CACUL1: variants seen among roughly 807,000 people sequenced by gnomAD.
The protein encoded by CACUL1 is CDK2 associated cullin domain 1, also known as CDK2-associated and cullin domain-containing protein 1.
A neutral mutation model predicts 45.2 loss-of-function variants in CACUL1; 13 were observed. That is an observed-to-expected ratio of 0.29 (90% CI 0.19 to 0.46). The LOEUF (loss-of-function observed/expected upper bound fraction) is 0.46, where lower values mean the gene tolerates loss of function less well. Among genes scored for constraint, CACUL1 ranks in the 20% least tolerant of loss-of-function variants. The pLI, the probability that CACUL1 is intolerant of heterozygous loss-of-function variation, is 1.00. For synonymous variants in CACUL1, 197 were observed against 174.2 expected (o/e 1.13, Z -1.03); for missense variants, 421 against 471.4 (o/e 0.89, Z 0.99).
In CACUL1 at chr10:118,682,432, T is replaced by C. The variant is rs1396837760; in HGVS notation, c.*3696A>G. The C allele has an allele frequency of 6.6e-6, 1 of 152,398 alleles. No individual in the cohort carries two copies. Among genetic ancestry groups the C allele is most frequent in the Non-Finnish European group, 1.5e-5 (1 of 67,998 alleles). The allele number at this position is 152,398 out of a possible 1,614,324, so 9.4% of individuals were successfully genotyped here. On this transcript the variant is annotated 3_prime_UTR_variant, in exon 9 of 9. Coordinates refer to ENST00000369151, the MANE Select transcript of CACUL1 (RefSeq NM_153810.5). ...TAGAAGAAAATAAAGCCAGCCTCAA[T>C]AATAAAAAGGCAAAATCTGGAGGGG...
At position 118,678,408 on chromosome 10, in the gene CACUL1, G is replaced by A. The variant is rs1207581388; in HGVS notation, c.*7720C>T. On this transcript the variant is annotated 3_prime_UTR_variant, in exon 9 of 9. Transcript: ENST00000369151. ...CTTTGGCAGTAAGTGTTAGAATCTTGTAGTGCTAGTTCCCCTCACAATCCA... is the reference window on the plus strand; with the variant it reads ...CTTTGGCAGTAAGTGTTAGAATCTTATAGTGCTAGTTCCCCTCACAATCCA... 6.6e-6 allele frequency: 1 copy of A among 152,184 alleles called. No individual in the cohort carries two copies. The highest frequency in any genetic ancestry group is 1.5e-5 in the Non-Finnish European group (1 of 68,028). 9.4% of individuals were successfully genotyped at this position (152,184 alleles called of 1,614,324 possible). A position where few individuals can be genotyped will look rare whatever the true frequency, so the allele number is the denominator to read the frequency against.
intron 3 of CACUL1, among the ~76,000 whole-genome samples, chr10:118,724,532 T>A (rs1482980839): frequency 6.6e-6 from 1 of 152,180 alleles, no homozygotes; most frequent in African/African-American, 2.4e-5. Context: ...CAAGTTTTTT[T>A]TACACGGACC....
chr10:118,741,416 T>C (rs980202799), intron 1 of CACUL1, among the ~76,000 whole-genome samples: 2 of 152,080 alleles, frequency 1.3e-5, no homozygotes, highest in Non-Finnish European at 2.9e-5. Flanking sequence ...CAACTGCTTC[T>C]GGACCTCTCT....
chr10:118,699,119 G>A (rs192254414), intron 5 of CACUL1, among the ~76,000 whole-genome samples: 21 of 152,298 alleles, frequency 1.4e-4, no homozygotes, highest in African/African-American at 3.9e-4. Context: ...CATACAAGCA[G>A]TGCATGTGTG....
At chr10:118,708,238 C>T (rs188112586) in intron 3 of CACUL1, among the ~76,000 whole-genome samples, 3 of 147,842 alleles carry the variant, frequency 2.0e-5, no homozygotes, top group Admixed American at 1.3e-4. Flanking sequence ...TAGAACCAAA[C>T]TATATTTGAA....
intron 4 of CACUL1, among the ~76,000 whole-genome samples, chr10:118,705,118 AT>A (rs947470621): frequency 4.6e-5 from 7 of 151,538 alleles, no homozygotes; most frequent in Non-Finnish European, 5.9e-5. Context: ...TTTACTGGTT[AT>A]TTTTTTTTAC....
intron 1 of CACUL1, among the ~76,000 whole-genome samples, chr10:118,748,464 A>G (rs1845866042): frequency 2.6e-5 from 4 of 152,158 alleles, no homozygotes; most frequent in Admixed American, 2.6e-4. Flanking sequence ...AAATATAGCA[A>G]TTCTCATGCT....
chr10:118,754,366 G>A (rs1440560488), intron 1 of CACUL1, 30 bp downstream of exon 1: 3 of 1,487,268 alleles, frequency 2.0e-6, no homozygotes, highest in East Asian at 2.6e-5. Context: ...GTGGAGAAAA[G>A]CCAAGGCTGC....
rs1344652259 is a variant in CACUL1 at position 118,679,204 on chromosome 10, T to G, written c.*6924A>C. The G allele has an allele frequency of 6.6e-6, 1 of 151,790 alleles. No individual in the cohort carries two copies. The highest frequency in any genetic ancestry group is 1.5e-5 in the Non-Finnish European group (1 of 68,008). 9.4% of individuals were successfully genotyped at this position (151,790 alleles called of 1,614,324 possible). ...AAAAGCAGGTACCACCACGCCCAAC[T>G]TTTTTTGTGTTTTTTTGAGACAGAG... On this transcript the variant is annotated 3_prime_UTR_variant, in exon 9 of 9. Coordinates refer to ENST00000369151, the MANE Select transcript of CACUL1 (RefSeq NM_153810.5).
chr10:118,749,755 T>C (rs1845877881), intron 1 of CACUL1, among the ~76,000 whole-genome samples: 1 of 152,164 alleles, frequency 6.6e-6, no homozygotes, highest in Non-Finnish European at 1.5e-5. Flanking sequence ...GACAGGAACG[T>C]CACTATGGTA....
At position 118,686,054 on chromosome 10, in the gene CACUL1, C is replaced by G. The variant is rs1845202156; in HGVS notation, c.*74G>C. On this transcript the variant is annotated 3_prime_UTR_variant, in exon 9 of 9. Coordinates refer to ENST00000369151, the MANE Select transcript of CACUL1 (RefSeq NM_153810.5). ...AGCTCCTGAGTGTGTGCAGCCCCCA[C>G]TGTGCTCTGAATACAGTCTCTGCAG... 1.8e-6 allele frequency: 2 copies of G among 1,125,946 alleles called. No individual in the cohort carries two copies. Among genetic ancestry groups the G allele is most frequent in the East Asian group, 4.7e-5 (2 of 42,506 alleles). 69.7% of individuals were successfully genotyped at this position (1,125,946 alleles called of 1,614,324 possible).
intron 5 of CACUL1, among the ~76,000 whole-genome samples, chr10:118,697,884 G>A (rs1845337913): frequency 6.6e-6 from 1 of 152,164 alleles, no homozygotes; most frequent in African/African-American, 2.4e-5. Context: ...TTTAACAATA[G>A]AGCCTAGTAG....
intron 3 of CACUL1, among the ~76,000 whole-genome samples, chr10:118,716,314 T>C (rs898153311): frequency 6.6e-6 from 1 of 151,830 alleles, no homozygotes; most frequent in African/African-American, 2.4e-5. Context: ...TATTTTTTTT[T>C]TTTTTCCTGT....
At chr10:118,739,962 T>C (rs1000419897) in intron 1 of CACUL1, among the ~76,000 whole-genome samples, 2 of 152,044 alleles carry the variant, frequency 1.3e-5, no homozygotes, top group East Asian at 1.9e-4. Context: ...CTGGCCAACA[T>C]GGTGAAACCC....
At position 118,708,337 on chromosome 10, in the gene CACUL1, C is replaced by A. The variant is rs994047418; in HGVS notation, c.598-750G>T. Among the ~76,000 whole-genome samples, 19 of 151,900 alleles carry A rather than the reference C, an allele frequency of 1.3e-4. 1 individual carries two copies. Among genetic ancestry groups the A allele is most frequent in the Admixed American group, 3.3e-4 (5 of 15,254 alleles). On this transcript the variant is annotated intron_variant, in intron 3 of 8. Transcript: ENST00000369151. ...TAATGAAATTTATAATTACCTTAAG[C>A]ACAGAAATATTCTGATTTCTATGCT...
chr10:118,709,511 T>C (rs190318990), intron 3 of CACUL1, among the ~76,000 whole-genome samples: 1 of 152,328 alleles, frequency 6.6e-6, no homozygotes, highest in East Asian at 1.9e-4. Context: ...AATTCATTCC[T>C]GGGTCAGAGT....
At chr10:118,741,506 C>T (rs1209603053) in intron 1 of CACUL1, among the ~76,000 whole-genome samples, 4 of 151,992 alleles carry the variant, frequency 2.6e-5, no homozygotes, top group African/African-American at 9.7e-5. Flanking sequence ...CACCTTTATA[C>T]CTTCCACGTC....
chr10:118,751,214 C>T (rs1845895610), intron 1 of CACUL1, among the ~76,000 whole-genome samples: 1 of 152,120 alleles, frequency 6.6e-6, no homozygotes, highest in Non-Finnish European at 1.5e-5. Context: ...AATATCTTCT[C>T]TAATTTTTTC....
rs576753290 is a variant in CACUL1 at position 118,729,454 on chromosome 10, G to A, written c.495-57C>T. ...AGTTAATCATAAAGCACTTAACTCA[G>A]TCCAAGGTTAAAGCACACTTTTGAT... On this transcript the variant is annotated intron_variant, in intron 2 of 8. Coordinates refer to ENST00000369151, the MANE Select transcript of CACUL1 (RefSeq NM_153810.5). 8.8e-6 allele frequency: 11 copies of A among 1,250,338 alleles called. 2 individuals are homozygous for A. The South Asian group carries it at 1.2e-4, about 14-fold the overall frequency. The allele number at this position is 1,250,338 out of a possible 1,614,324, so 77.5% of individuals were successfully genotyped here.
Sources: allele counts gnomAD v4.1 joint callset (sites outside exome capture counted in the v4.1 genomes callset), GRCh38; gene constraint gnomAD v4.1.1; transcripts MANE v1.5; gene names NCBI Gene and HGNC (gene_info 2026-07-23, HGNC 2026-07-21).